Variants in ERC1 observed in about 807,000 individuals in gnomAD.
The protein encoded by ERC1 is RAB6 interacting protein 2.
Under a neutral mutation model 132.0 loss-of-function variants are expected in ERC1, and 56 were observed. The ratio of observed to expected loss-of-function variants is 0.42; its 90% CI spans 0.34 to 0.53. The LOEUF (loss-of-function observed/expected upper bound fraction) is 0.53, where lower values mean the gene tolerates loss of function less well. ERC1 is among the 20% of genes least tolerant of loss of function. ERC1 has a pLI of 0.03. For synonymous variants in ERC1, 478 were observed against 476.1 expected, an observed-to-expected ratio of 1.00 and a Z score of -0.05; for missense variants, 1,202 against 1,349.9, an observed-to-expected ratio of 0.89 and a Z score of 1.72.
At chr12:1,309,244 CATGATGTCGT>C (rs2081112273) in intron 15 of ERC1, among the ~76,000 whole-genome samples, 1 of 152,228 alleles carries the variant, frequency 6.6e-6, no homozygotes, top group South Asian at 2.1e-4. Context: ...AATAATTTTG[CATGATGTCGT>C]ATTGAACTGT....
intron 3 of ERC1, among the ~76,000 whole-genome samples, chr12:1,100,372 G>T (rs1944529482): frequency 1.3e-5 from 2 of 152,178 alleles, no homozygotes; most frequent in African/African-American, 2.4e-5. Flanking sequence ...TCAGCATAAG[G>T]ACTGTGACTT....
chr12:1,365,623 G>GTATAGAGTA (rs2086589912), intron 15 of ERC1, among the ~76,000 whole-genome samples: 1 of 152,162 alleles, frequency 6.6e-6, no homozygotes, highest in Non-Finnish European at 1.5e-5. Flanking sequence ...AGCGTATTGA[G>GTATAGAGTA]TATAGAGTAT....
chr12:1,144,614 G>GTGTATA (rs1555268149), intron 8 of ERC1, among the ~76,000 whole-genome samples: 1 of 132,300 alleles, frequency 7.6e-6, no homozygotes, highest in African/African-American at 3.1e-5. Context: ...GAATTTTGTG[G>GTGTATA]TATATATATA....
chr12:1,083,653 C>A (rs894413317), intron 3 of ERC1, 73 bp downstream of exon 3: 1 of 1,190,358 alleles, frequency 8.4e-7, no homozygotes, highest in African/African-American at 1.5e-5. Flanking sequence ...GCATCTTGGC[C>A]CCAGTGAATC....
chr12:1,326,839 AGT>A (rs1380540013), intron 15 of ERC1, among the ~76,000 whole-genome samples: 2 of 151,966 alleles, frequency 1.3e-5, no homozygotes, highest in African/African-American at 4.8e-5. Context: ...TCTCTGAAAT[AGT>A]GTGTGACGTA....
intron 1 of ERC1, among the ~76,000 whole-genome samples, chr12:998,979 C>T (rs1008021689): frequency 6.6e-6 from 1 of 151,480 alleles, no homozygotes; most frequent in Non-Finnish European, 1.5e-5. Flanking sequence ...CCTGCCTTAG[C>T]CTCTTGAGTA....
chr12:1,186,548 T>C (rs980648868), intron 11 of ERC1, among the ~76,000 whole-genome samples: 2 of 152,222 alleles, frequency 1.3e-5, no homozygotes, highest in South Asian at 2.1e-4. Context: ...TTTATACAAA[T>C]ACTGTTATTT....
At chr12:1,296,601 C>G (rs1270652493) in intron 15 of ERC1, among the ~76,000 whole-genome samples, 2 of 151,654 alleles carry the variant, frequency 1.3e-5, no homozygotes, top group African/African-American at 4.8e-5. Context: ...TTAGTAGAGG[C>G]GAGGTTTTTC....
intron 17 of ERC1, among the ~76,000 whole-genome samples, chr12:1,409,522 A>C (rs780796749): frequency 2.6e-5 from 4 of 152,230 alleles, no homozygotes; most frequent in Non-Finnish European, 5.9e-5. Context: ...AGATAGAGAT[A>C]GCATCTTGGA....
At chr12:1,344,288 C>T (rs763958977) in intron 15 of ERC1, among the ~76,000 whole-genome samples, 14 of 151,986 alleles carry the variant, frequency 9.2e-5, no homozygotes, top group Non-Finnish European at 1.9e-4. Flanking sequence ...GGTTCTGTGG[C>T]GGTGGCTTTT....
chr12:1,071,481 C>T (rs998726077), intron 2 of ERC1, among the ~76,000 whole-genome samples: 8 of 151,832 alleles, frequency 5.3e-5, no homozygotes, highest in Admixed American at 2.6e-4. Flanking sequence ...CTTAGAAGAA[C>T]GTTCATCTTC....
chr12:1,080,616 A>G (rs999598854), intron 2 of ERC1, among the ~76,000 whole-genome samples: 1 of 152,166 alleles, frequency 6.6e-6, no homozygotes, highest in Non-Finnish European at 1.5e-5. Context: ...TTCCCATGCT[A>G]TTCTCGTGAT....
At chr12:1,179,547 G>T (rs1214731176) in intron 8 of ERC1, among the ~76,000 whole-genome samples, 1 of 126,008 alleles carries the variant, frequency 7.9e-6, no homozygotes, top group African/African-American at 3.1e-5. Context: ...TCGCTCTGTC[G>T]CCCAGGCTGG....
At chr12:1,094,555 C>T (rs527773692) in intron 3 of ERC1, among the ~76,000 whole-genome samples, 16 of 151,966 alleles carry the variant, frequency 1.1e-4, no homozygotes, top group African/African-American at 3.6e-4. Flanking sequence ...GGATTACAGA[C>T]GTGTGCCACC....
rs543423832 is a variant in ERC1, at chr12:1,458,857, A to G, written c.3213+14107A>G. On this transcript the variant is annotated intron_variant, in intron 18 of 18. Transcript: ENST00000360905. ...AAGGGACCTGGAAGCAGTGACACCCAGTAACAGAGAGCTCACTTACTACTC... is the reference window on the plus strand; with the variant it reads ...AAGGGACCTGGAAGCAGTGACACCCGGTAACAGAGAGCTCACTTACTACTC... 3.3e-5 allele frequency among the ~76,000 whole-genome samples: 5 copies of G among 152,346 alleles called. No homozygotes were observed. The South Asian group carries it at 6.2e-4, about 19-fold the overall frequency.
chr12:1,352,551 A>G (rs1414616825), intron 15 of ERC1, among the ~76,000 whole-genome samples: 1 of 152,246 alleles, frequency 6.6e-6, no homozygotes, highest in Non-Finnish European at 1.5e-5. Flanking sequence ...TAATAGCTAG[A>G]ATGTTCTTAG....
chr12:1,168,654 T>G (rs140548343), intron 8 of ERC1, among the ~76,000 whole-genome samples: 3,098 of 151,906 alleles, frequency 0.02, 98 homozygotes, highest in African/African-American at 0.07. Context: ...CCGGCTAATT[T>G]TTTTGTATTT....
At chr12:1,075,070 A>G (rs562268809) in intron 2 of ERC1, among the ~76,000 whole-genome samples, 5 of 152,180 alleles carry the variant, frequency 3.3e-5, no homozygotes, top group African/African-American at 1.2e-4. Context: ...CTCAAAGAAT[A>G]CTAAACTAAC....
chr12:1,314,059 A>G (rs922817220), intron 15 of ERC1, among the ~76,000 whole-genome samples: 3 of 152,146 alleles, frequency 2.0e-5, no homozygotes, highest in Non-Finnish European at 2.9e-5. Context: ...TGGTGAGTCT[A>G]TGTTGCTGAC....
Sources: allele counts gnomAD v4.1 joint callset (sites outside exome capture counted in the v4.1 genomes callset), GRCh38; gene constraint gnomAD v4.1.1; transcripts MANE v1.5; gene names NCBI Gene and HGNC (gene_info 2026-07-23, HGNC 2026-07-21).